Variants in WWOX observed in about 807,000 individuals in gnomAD.
WWOX encodes the protein WW domain containing oxidoreductase.
In WWOX, 69 loss-of-function variants were observed where a neutral mutation model predicts 46.2. The observed-to-expected ratio is 1.49, with a 90% CI of 1.23 to 1.82. The LOEUF (loss-of-function observed/expected upper bound fraction) is 1.82. WWOX is among the 40% of genes most tolerant of loss of function. The probability of loss-of-function intolerance (pLI) is 0.00; values close to 1 mark genes in which losing one functional copy is unlikely to be tolerated. For missense variants in WWOX, 919 were observed against 542.6 expected (o/e 1.69, Z -6.89); for synonymous variants, 359 against 202.6 (o/e 1.77, Z -6.56).
intron 8 of WWOX, among the ~76,000 whole-genome samples, chr16:78,909,152 A>G (rs969692270): frequency 3.3e-5 from 5 of 152,226 alleles, no homozygotes; most frequent in African/African-American, 1.2e-4. Context: ...AGTCAGTTAC[A>G]TCAGATCTCC....
chr16:78,244,987 T>G (rs116591781), intron 5 of WWOX, among the ~76,000 whole-genome samples: 2,227 of 152,332 alleles, frequency 0.015, 59 homozygotes, highest in African/African-American at 0.051. Context: ...CTTACAGTAG[T>G]TTCAAATGCC....
chr16:78,813,292 T>TC (rs1338429193), intron 8 of WWOX, among the ~76,000 whole-genome samples: 1 of 152,068 alleles, frequency 6.6e-6, no homozygotes, highest in Non-Finnish European at 1.5e-5. Flanking sequence ...TTCCTTTTTT[T>TC]CCCTCCTAAG....
At chr16:78,574,285 T>C (rs2044793017) in intron 8 of WWOX, among the ~76,000 whole-genome samples, 1 of 152,194 alleles carries the variant, frequency 6.6e-6, no homozygotes, top group African/African-American at 2.4e-5. Flanking sequence ...ATTTGCCAGA[T>C]TTCTGCTGAT....
At chr16:78,716,131 C>T (rs147914111) in intron 8 of WWOX, among the ~76,000 whole-genome samples, 32 of 151,930 alleles carry the variant, frequency 2.1e-4, no homozygotes, top group African/African-American at 7.5e-4. Context: ...ATCCAATATG[C>T]ACATAAAGGG....
intron 8 of WWOX, among the ~76,000 whole-genome samples, chr16:78,966,688 A>G (rs1015333558): frequency 3.3e-5 from 5 of 152,204 alleles, no homozygotes; most frequent in Admixed American, 2.6e-4. Context: ...TCACTGAGTC[A>G]AAGGGTGCAC....
chr16:79,041,558 G>C (rs951457947), intron 8 of WWOX, among the ~76,000 whole-genome samples: 1 of 152,190 alleles, frequency 6.6e-6, no homozygotes, highest in Non-Finnish European at 1.5e-5. Context: ...AAGGAGGGCT[G>C]AGCCTATGAC....
intron 8 of WWOX, among the ~76,000 whole-genome samples, chr16:78,644,601 A>T (rs991064033): frequency 6.6e-6 from 1 of 152,100 alleles, no homozygotes; most frequent in African/African-American, 2.4e-5. Flanking sequence ...ACCTGGGATT[A>T]CAGGAGCCTG....
chr16:79,072,495 T>C (rs1567530690), intron 8 of WWOX, among the ~76,000 whole-genome samples: 1 of 152,242 alleles, frequency 6.6e-6, no homozygotes, highest in African/African-American at 2.4e-5. Flanking sequence ...AGTTTATTTC[T>C]GGACAGAGAA....
intron 6 of WWOX, among the ~76,000 whole-genome samples, chr16:78,416,024 T>G (rs539221243): frequency 6.6e-6 from 1 of 152,306 alleles, no homozygotes; most frequent in South Asian, 2.1e-4. Context: ...CATGCTGCCT[T>G]CCATTGGAAT....
intron 8 of WWOX, among the ~76,000 whole-genome samples, chr16:78,787,266 A>G (rs1305401792): frequency 1.3e-5 from 2 of 152,218 alleles, no homozygotes; most frequent in African/African-American, 4.8e-5. Context: ...CAGCCATTTC[A>G]GAACATTTTT....
At chr16:78,312,180 T>C (rs2080257989) in intron 5 of WWOX, among the ~76,000 whole-genome samples, 1 of 152,192 alleles carries the variant, frequency 6.6e-6, no homozygotes, top group Non-Finnish European at 1.5e-5. Context: ...TAAGGTCAGC[T>C]GACTAGCAAA....
In WWOX at chr16:78,138,065, T is replaced by A. The variant is rs149346606; in HGVS notation, c.409+22911T>A. The stretch of plus-strand genomic sequence containing the variant: ...CTATAATGGATGCAATGAGGAAAGT[T>A]GTCTAGCAGACTGTTCTTGGCCAAC... On this transcript the variant is annotated intron_variant, in intron 4 of 8. Transcript: ENST00000566780. 4.0e-3 allele frequency among the ~76,000 whole-genome samples: 598 copies of A among 150,696 alleles called. 28 individuals are homozygous for A. Among genetic ancestry groups the A allele is most frequent in the African/African-American group, 0.014 (569 of 40,802 alleles).
At chr16:78,462,920 G>A (rs1028638249) in intron 8 of WWOX, among the ~76,000 whole-genome samples, 1 of 152,140 alleles carries the variant, frequency 6.6e-6, no homozygotes, top group Non-Finnish European at 1.5e-5. Context: ...TCACCCCTTA[G>A]GACATACTAC....
intron 8 of WWOX, among the ~76,000 whole-genome samples, chr16:78,968,095 A>ACAGCGCATGGTCCGCG (rs2046397130): frequency 6.9e-5 from 9 of 130,630 alleles, no homozygotes; most frequent in South Asian, 2.6e-4. Flanking sequence ...CATGGTCCGC[A>ACAGCGCATGGTCCGCG]TGGCACAGCG....
intron 5 of WWOX, among the ~76,000 whole-genome samples, chr16:78,374,424 T>C (rs931620563): frequency 6.6e-6 from 1 of 152,118 alleles, no homozygotes; most frequent in African/African-American, 2.4e-5. Context: ...CAGTATAATT[T>C]ATTTGGTCCT....
chr16:78,617,825 T>G (rs746798235), intron 8 of WWOX, among the ~76,000 whole-genome samples: 2 of 152,190 alleles, frequency 1.3e-5, no homozygotes, highest in Non-Finnish European at 2.9e-5. Flanking sequence ...TTTATTTGAA[T>G]GATGGAATGA....
intron 8 of WWOX, among the ~76,000 whole-genome samples, chr16:78,616,692 G>A (rs1338499635): frequency 6.6e-6 from 1 of 151,990 alleles, no homozygotes; most frequent in African/African-American, 2.4e-5. Context: ...CTTGAACCTG[G>A]GAGGCAGTGG....
At position 78,643,681 on chromosome 16, in the gene WWOX, T is replaced by C. The variant is rs1436970898; in HGVS notation, c.1056+210929T>C. Among the ~76,000 whole-genome samples the C allele has an allele frequency of 2.6e-5, 4 of 152,164 alleles. No individual in the cohort carries two copies. In the East Asian group the frequency reaches 7.7e-4, roughly 29 times the overall value. ...CTAATAATGGCCCCGTTGTAAATGA[T>C]TGTCTCACTATGATATACGGGTTCC... On this transcript the variant is annotated intron_variant, in intron 8 of 8. Transcript: ENST00000566780.
Position 78,712,187 on chromosome 16 carries a change from G to T in WWOX, c.1056+279435G>T, listed in dbSNP as rs369027858. On this transcript the variant is annotated intron_variant, in intron 8 of 8. Transcript: ENST00000566780. ...TGTTATGTGGGATAGGCTCATTCAG[G>T]GTGGTACGGCTGTAGACAAAATGCT... 3.9e-5 allele frequency among the ~76,000 whole-genome samples: 6 copies of T among 152,214 alleles called. No homozygotes were observed. The South Asian group carries it at 1.0e-3, about 26-fold the overall frequency.
Sources: gnomAD v4.1 joint callset for allele counts (sites outside exome capture counted in the v4.1 genomes callset) on GRCh38, gnomAD v4.1.1 for gene constraint, MANE v1.5 for transcripts, NCBI Gene and HGNC (gene_info 2026-07-23, HGNC 2026-07-21) for gene names.